The following MTPAP variants were observed in gnomAD, a reference collection of about 807,000 sequenced individuals.
MTPAP encodes the protein poly(A) RNA polymerase, mitochondrial.
A neutral mutation model predicts 48.7 loss-of-function variants in MTPAP; 23 were observed. The ratio of observed to expected loss-of-function variants is 0.47; its 90% confidence interval spans 0.34 to 0.67. MTPAP has a LOEUF of 0.67. Ranked by LOEUF, MTPAP falls within the 30% of genes least tolerant of loss-of-function variation. The pLI is 0.01. For missense variants in MTPAP, 614 were observed against 694.3 expected (o/e 0.88, Z 1.30); for synonymous variants, 257 against 254.1 (o/e 1.01, Z -0.11).
At chr10:30,317,122 T>A (rs2132845399) in intron 6 of MTPAP, among the ~76,000 whole-genome samples, 1 of 152,352 alleles carries the variant, frequency 6.6e-6, no homozygotes, top group East Asian at 1.9e-4. Flanking sequence ...TGAGACTAGT[T>A]ATGCCACAGT....
At position 30,312,217 on chromosome 10, in the gene MTPAP, GAAC is replaced by G. The variant is rs1840601406; in HGVS notation, c.*1389_*1391del. On this transcript the variant is annotated 3_prime_UTR_variant, in exon 9 of 9. Transcript: ENST00000263063. ...AAATTTCAATATACAGTTGCCCATT[GAAC>G]AACATGGGTTTCAACTGCGAAGTCC... The G allele has an allele frequency of 6.6e-6, 1 of 152,052 alleles. No homozygotes were observed. Among genetic ancestry groups the G allele is most frequent in the Non-Finnish European group, 1.5e-5 (1 of 68,012 alleles). 9.4% of individuals were successfully genotyped at this position (152,052 alleles called of 1,614,324 possible). A position where few individuals can be genotyped will look rare whatever the true frequency, so the allele number is the denominator to read the frequency against.
At position 30,334,145 on chromosome 10, in the gene MTPAP, C is replaced by T. The variant is rs552644466; in HGVS notation, c.780+2658G>A. Among the ~76,000 whole-genome samples the T allele has an allele frequency of 1.1e-3, 166 of 151,992 alleles. 2 individuals carry two copies. Among genetic ancestry groups the T allele is most frequent in the African/African-American group, 3.9e-3 (160 of 41,414 alleles). The stretch of plus-strand genomic sequence containing the variant: ...AGAAATTTGGAGACAGATAGAAATA[C>T]CTGCAAGATACTACAAAAAAGGAGT... On this transcript the variant is annotated intron_variant, in intron 4 of 8. Transcript: ENST00000263063.
rs1279406367 is a variant in MTPAP, at chr10:30,329,046, C to G, written c.781-2411G>C. Among the ~76,000 whole-genome samples the G allele has an allele frequency of 4.6e-5, 7 of 151,986 alleles. No individual in the cohort carries two copies. The East Asian group carries it at 1.4e-3, about 30-fold the overall frequency. ...ATCACTTGAGGTCAGGAGTTTGAGA[C>G]CAGCCTGGCCAACATGGTGAAACCC... On this transcript the variant is annotated intron_variant, in intron 4 of 8. Transcript: ENST00000263063.
intron 2 of MTPAP, among the ~76,000 whole-genome samples, chr10:30,341,079 G>A (rs1437626907): frequency 2.6e-5 from 4 of 152,106 alleles, no homozygotes; most frequent in Admixed American, 2.0e-4. Flanking sequence ...CAAGCTGGGT[G>A]TGGTGGTGCA....
intron 4 of MTPAP, among the ~76,000 whole-genome samples, chr10:30,327,638 G>C (rs1834613990): frequency 6.6e-6 from 1 of 151,916 alleles, no homozygotes; most frequent in Admixed American, 6.6e-5. Context: ...TTGAGGTCAG[G>C]AGTTCTAGAC....
At chr10:30,346,819 C>T (rs2771247) in intron 1 of MTPAP, among the ~76,000 whole-genome samples, 38,502 of 151,980 alleles carry the variant, frequency 0.25, 4,884 homozygotes, top group Non-Finnish European at 0.27. Flanking sequence ...CTATTTTGGA[C>T]ACCTCCTCTT....
In MTPAP at chr10:30,340,396, T is replaced by G. The variant is rs529913701; in HGVS notation, c.385A>C (p.Asn129His). ...CQKESIGSLQ[N>H]GTHTPSTAME... ...GCCGTGCTTGGAGTATGAGTCCCAT[T>G]CTGCAGTGAACCTATGCTTTCCTTT... The change falls in exon 3 of 9, where the codon AAT (asparagine) becomes CAT (histidine). Residue 129 changes from asparagine (N) to histidine (H), a missense_variant. This residue lies in a region of MTPAP where 114 missense variants were observed against 107.9 expected (regional missense o/e 1.06). Transcript: ENST00000263063. The G allele has an allele frequency of 6.2e-7, 1 of 1,614,160 alleles. No homozygotes were observed. The highest frequency in any genetic ancestry group is 8.5e-7 in the Non-Finnish European group (1 of 1,180,026).
At chr10:30,341,114 A>G (rs1192031714) in intron 2 of MTPAP, among the ~76,000 whole-genome samples, 1 of 151,942 alleles carries the variant, frequency 6.6e-6, no homozygotes, top group African/African-American at 2.4e-5. Context: ...GCTACTCCAG[A>G]GGCAGAAGGA....
chr10:30,333,816 TG>T (rs757570718), intron 4 of MTPAP, among the ~76,000 whole-genome samples: 2 of 152,044 alleles, frequency 1.3e-5, no homozygotes, highest in East Asian at 3.9e-4. Context: ...GCAGGAGAAT[TG>T]CTTGAGCCCA....
intron 1 of MTPAP, among the ~76,000 whole-genome samples, chr10:30,342,421 A>C (rs916646113): frequency 2.6e-5 from 4 of 152,054 alleles, no homozygotes; most frequent in Non-Finnish European, 5.9e-5. Context: ...AACATGGATG[A>C]GGTGGAATTA....
chr10:30,315,758 G>C (rs921940253), intron 8 of MTPAP, among the ~76,000 whole-genome samples: 7 of 152,172 alleles, frequency 4.6e-5, no homozygotes, highest in African/African-American at 1.7e-4. Flanking sequence ...AGATGCTAAA[G>C]AGCTGGCTTT....
In MTPAP at chr10:30,333,758, T is replaced by G. The variant is rs565878049; in HGVS notation, c.780+3045A>C. Among the ~76,000 whole-genome samples the G allele has an allele frequency of 2.0e-5, 3 of 152,072 alleles. No individual in the cohort carries two copies. In the East Asian group the frequency reaches 5.8e-4, roughly 29 times the overall value. The stretch of plus-strand genomic sequence containing the variant: ...GATGAAACACTATCTCTAAAATAAT[T>G]AGCCGGAAGCAGCAGTGTAAGCCTG... On this transcript the variant is annotated intron_variant, in intron 4 of 8. Transcript: ENST00000263063.
rs1418832772 is a variant in MTPAP, at chr10:30,311,006, C to T, written c.*2603G>A. 1 of 151,906 alleles carries T rather than the reference C, an allele frequency of 6.6e-6. No homozygotes were observed. The allele number at this position is 151,906 out of a possible 1,614,324, so 9.4% of individuals were successfully genotyped here. A position where few individuals can be genotyped will look rare whatever the true frequency, so the allele number is the denominator to read the frequency against. ...AGTGTCAAGGCTGTCCTACAAATTACCAAAAAGAAAAGAAAATGCTAACCC... is the reference window on the plus strand; with the variant it reads ...AGTGTCAAGGCTGTCCTACAAATTATCAAAAAGAAAAGAAAATGCTAACCC... On this transcript the variant is annotated 3_prime_UTR_variant, in exon 9 of 9. Transcript: ENST00000263063.
intron 6 of MTPAP, among the ~76,000 whole-genome samples, chr10:30,320,796 G>A (rs1184785512): frequency 1.3e-5 from 2 of 152,180 alleles, no homozygotes; most frequent in Admixed American, 6.5e-5. Context: ...ATGCTTAGGA[G>A]TAGTCTACCC....
chr10:30,334,905 T>C (rs1834710340), intron 4 of MTPAP, among the ~76,000 whole-genome samples: 1 of 152,144 alleles, frequency 6.6e-6, no homozygotes, highest in Non-Finnish European at 1.5e-5. Context: ...GTTACAATAA[T>C]CTAAGTGAGA....
chr10:30,313,544 T>C lies in MTPAP; in HGVS notation c.*65A>G. On this transcript the variant is annotated 3_prime_UTR_variant, in exon 9 of 9. Transcript: ENST00000263063. ...GATCTGTGAAAGTTTCAAATCAGTT[T>C]TTCCAAGTAAGTCCACAGACCATTT... 1 of 1,602,366 alleles carries C rather than the reference T, an allele frequency of 6.2e-7. No homozygotes were observed. The highest frequency in any genetic ancestry group is 1.3e-5 in the African/African-American group (1 of 74,762).
intron 5 of MTPAP, among the ~76,000 whole-genome samples, chr10:30,324,460 A>C (rs1834556548): frequency 6.6e-6 from 1 of 152,058 alleles, no homozygotes; most frequent in South Asian, 2.1e-4. Context: ...AGGTTGAGAA[A>C]GGAGGATTGT....
chr10:30,349,021 A>G, intron 1 of MTPAP, 98 bp downstream of exon 1: 1 of 1,564,432 alleles, frequency 6.4e-7, no homozygotes, highest in Non-Finnish European at 8.8e-7. Context: ...CTCTTGCCAA[A>G]GGGTCCACAG....
At chr10:30,329,393 A>G (rs912028137) in intron 4 of MTPAP, among the ~76,000 whole-genome samples, 2 of 151,940 alleles carry the variant, frequency 1.3e-5, no homozygotes, top group Non-Finnish European at 2.9e-5. Flanking sequence ...ACACCTTGCT[A>G]ATTTTTTTAT....
Sources: allele counts gnomAD v4.1 joint callset (sites outside exome capture counted in the v4.1 genomes callset), GRCh38; gene constraint gnomAD v4.1.1; regional missense constraint gnomAD v4.1.1; transcripts MANE v1.5; gene names NCBI Gene and HGNC (gene_info 2026-07-23, HGNC 2026-07-21).